STAG1: variants seen among roughly 807,000 people sequenced by gnomAD.
STAG1 encodes the protein STAG1 cohesin complex component.
A neutral mutation model predicts 170.9 loss-of-function variants in STAG1; 26 were observed. That is an observed-to-expected ratio of 0.15 (90% CI 0.11 to 0.21). The LOEUF (loss-of-function observed/expected upper bound fraction) is 0.21, where lower values mean the gene tolerates loss of function less well. Among genes scored for constraint, STAG1 ranks in the 10% least tolerant of loss-of-function variants. STAG1 has a pLI of 1.00. For missense variants in STAG1, 964 were observed against 1,509.5 expected (o/e 0.64, Z 5.99); for synonymous variants, 514 against 497.7 (o/e 1.03, Z -0.44).
At chr3:136,553,984 G>A (rs1936511925) in intron 5 of STAG1, among the ~76,000 whole-genome samples, 1 of 151,858 alleles carries the variant, frequency 6.6e-6, no homozygotes, top group Non-Finnish European at 1.5e-5. Flanking sequence ...AAAAAAATAC[G>A]ATCCAGCTGT....
chr3:136,558,744 C>A (rs1936724346), intron 5 of STAG1, among the ~76,000 whole-genome samples: 1 of 152,160 alleles, frequency 6.6e-6, no homozygotes, highest in South Asian at 2.1e-4. Context: ...TATCTTATAA[C>A]CCAGCAATTC....
intron 1 of STAG1, among the ~76,000 whole-genome samples, chr3:136,668,998 C>T (rs113618584): frequency 4.6e-5 from 7 of 152,324 alleles, no homozygotes; most frequent in African/African-American, 1.4e-4. Flanking sequence ...ACCTCCAAGG[C>T]AGAATGTTCA....
Position 136,550,086 on chromosome 3 carries a change from C to T in STAG1, c.395-7891G>A, listed in dbSNP as rs1007795369. ...GGATCTATACTGGCCTTTTTCTTTT[C>T]GTGGTATCTTTTTTTTGTGATGTCT... is the stretch of plus-strand genomic sequence containing the variant. On this transcript the variant is annotated intron_variant, in intron 5 of 33. Transcript: ENST00000383202. 3.9e-5 allele frequency among the ~76,000 whole-genome samples: 6 copies of T among 151,934 alleles called. No homozygotes were observed. In the East Asian group the frequency reaches 9.7e-4, roughly 24 times the overall value.
At chr3:136,574,338 G>A (rs1559886810) in intron 4 of STAG1, among the ~76,000 whole-genome samples, 1 of 150,910 alleles carries the variant, frequency 6.6e-6, no homozygotes, top group East Asian at 2.0e-4. Flanking sequence ...GTATGTGTGT[G>A]TGTATACACA....
chr3:136,724,307 C>T (rs1933530716), intron 1 of STAG1, among the ~76,000 whole-genome samples: 1 of 151,912 alleles, frequency 6.6e-6, no homozygotes, highest in African/African-American at 2.4e-5. Context: ...ACCCTACCCC[C>T]AACCCTGTGC....
At chr3:136,709,228 T>C (rs1415983998) in intron 1 of STAG1, among the ~76,000 whole-genome samples, 1 of 151,692 alleles carries the variant, frequency 6.6e-6, no homozygotes, top group East Asian at 1.9e-4. Context: ...AGGTGGAGGC[T>C]GAAGTGAGCC....
At chr3:136,394,770 C>T (rs113724768) in intron 22 of STAG1, among the ~76,000 whole-genome samples, 177 of 151,432 alleles carry the variant, frequency 1.2e-3, no homozygotes, top group African/African-American at 2.5e-3. Flanking sequence ...CTGGCCAACA[C>T]GGTGAAACCC....
intron 26 of STAG1, among the ~76,000 whole-genome samples, chr3:136,362,160 T>C (rs914008071): frequency 6.6e-6 from 1 of 151,566 alleles, no homozygotes; most frequent in Non-Finnish European, 1.5e-5. Flanking sequence ...GGTTTCATCA[T>C]GTTGACCAGG....
chr3:136,577,602 C>CAGATG (rs1937507639), intron 4 of STAG1, among the ~76,000 whole-genome samples: 1 of 152,128 alleles, frequency 6.6e-6, no homozygotes, highest in African/African-American at 2.4e-5. Flanking sequence ...TTTACATGGA[C>CAGATG]AGATGCCTTG....
chr3:136,484,240 T>C lies in STAG1; in HGVS notation c.903-6828A>G, dbSNP rs528945582. 4.6e-5 allele frequency among the ~76,000 whole-genome samples: 7 copies of C among 152,200 alleles called. No individual in the cohort carries two copies. The East Asian group carries it at 1.4e-3, about 29-fold the overall frequency. Reference sequence around the variant, plus strand: ...TACTTTTGGTCTTTGATGATGGTGATGTACAGATGGGTTTTCTGTTAGATG... The same window carrying C: ...TACTTTTGGTCTTTGATGATGGTGACGTACAGATGGGTTTTCTGTTAGATG... On this transcript the variant is annotated intron_variant, in intron 9 of 33. Coordinates refer to ENST00000383202, the MANE Select transcript of STAG1 (RefSeq NM_005862.3).
chr3:136,495,047 T>G (rs1933007359), intron 9 of STAG1, among the ~76,000 whole-genome samples: 1 of 152,276 alleles, frequency 6.6e-6, no homozygotes, highest in Non-Finnish European at 1.5e-5. Flanking sequence ...GTAAGACAAC[T>G]TACACTACCT....
chr3:136,626,420 A>G (rs150881345), intron 2 of STAG1, among the ~76,000 whole-genome samples: 2,557 of 149,306 alleles, frequency 0.017, 77 homozygotes, highest in African/African-American at 0.06. Flanking sequence ...GTGAGACTAC[A>G]TCTCAAAAAA....
At chr3:136,485,910 C>T (rs1175464046) in intron 9 of STAG1, among the ~76,000 whole-genome samples, 1 of 152,214 alleles carries the variant, frequency 6.6e-6, no homozygotes, top group Non-Finnish European at 1.5e-5. Flanking sequence ...CATATTCTCT[C>T]ATAAATGGAA....
In STAG1 at chr3:136,596,423, T is replaced by C. The variant is rs541343955; in HGVS notation, c.297+7886A>G. ...TTAAGGTACGTACATTGGTTTTTTT[T>C]CAGACATAATAATATTGCACACACA... On this transcript the variant is annotated intron_variant, in intron 4 of 33. Transcript: ENST00000383202. Among the ~76,000 whole-genome samples the C allele has an allele frequency of 5.9e-5, 9 of 152,306 alleles. No individual in the cohort carries two copies. The East Asian group carries it at 1.4e-3, about 23-fold the overall frequency.
chr3:136,484,909 G>A (rs2089974920), intron 9 of STAG1, among the ~76,000 whole-genome samples: 1 of 152,036 alleles, frequency 6.6e-6, no homozygotes, highest in Non-Finnish European at 1.5e-5. Flanking sequence ...CTTCCCAGGT[G>A]AGGCAATGCC....
At chr3:136,655,721 C>T (rs1010258449) in intron 1 of STAG1, among the ~76,000 whole-genome samples, 6 of 151,818 alleles carry the variant, frequency 4.0e-5, no homozygotes, top group African/African-American at 1.5e-4. Context: ...CAAGATCACA[C>T]CATCTGCACT....
intron 22 of STAG1, among the ~76,000 whole-genome samples, chr3:136,388,657 G>A (rs761212207): frequency 7.2e-5 from 11 of 152,040 alleles, no homozygotes; most frequent in Non-Finnish European, 8.8e-5. Context: ...ATCAGCCACC[G>A]CACCTGGCAG....
intron 9 of STAG1, among the ~76,000 whole-genome samples, chr3:136,490,631 C>T (rs2107844096): frequency 6.6e-6 from 1 of 152,078 alleles, no homozygotes; most frequent in Middle Eastern, 3.4e-3. Context: ...AGCAACCTGA[C>T]CCCCACATTA....
intron 1 of STAG1, among the ~76,000 whole-genome samples, chr3:136,682,231 C>T (rs1410009804): frequency 6.6e-6 from 1 of 151,796 alleles, no homozygotes; most frequent in Non-Finnish European, 1.5e-5. Flanking sequence ...TCAAGATCAG[C>T]CTGGGAAACA....
Sources: allele counts gnomAD v4.1 joint callset (sites outside exome capture counted in the v4.1 genomes callset), GRCh38; gene constraint gnomAD v4.1.1; transcripts MANE v1.5; gene names NCBI Gene and HGNC (gene_info 2026-07-23, HGNC 2026-07-21).